The following SLC25A28 variants were observed in gnomAD, a reference collection of about 807,000 sequenced individuals.
The protein encoded by SLC25A28 is mitoferrin-2.
In SLC25A28, 10 loss-of-function variants were observed where a neutral mutation model predicts 31.9. That is an observed-to-expected ratio of 0.31 (90% CI 0.19 to 0.53). The LOEUF (loss-of-function observed/expected upper bound fraction) is 0.53. Ranked by LOEUF, SLC25A28 falls within the 20% of genes least tolerant of loss-of-function variation. The pLI is 0.95. For synonymous variants in SLC25A28, 208 were observed against 203.6 expected (o/e 1.02, Z -0.19); for missense variants, 256 against 490.3 (o/e 0.52, Z 4.51).
the SLC25A28 span, among the ~76,000 whole-genome samples, chr10:99,632,258 A>G: frequency 6.6e-6 from 1 of 152,190 alleles, no homozygotes; most frequent in Non-Finnish European, 1.5e-5. Flanking sequence ...TGTATTAGGT[A>G]TTATAAGTAA....
chr10:99,644,932 T>G, the SLC25A28 span, among the ~76,000 whole-genome samples: 1 of 152,228 alleles, frequency 6.6e-6, no homozygotes, highest in Non-Finnish European at 1.5e-5. Context: ...CGCTGTTAGT[T>G]TGATGGGCTT....
At chr10:99,643,531 T>A in the SLC25A28 span, among the ~76,000 whole-genome samples, 1 of 152,156 alleles carries the variant, frequency 6.6e-6, no homozygotes, top group Non-Finnish European at 1.5e-5. Flanking sequence ...CTGGATTCAT[T>A]AATTTTTGAA....
chr10:99,657,502 G>GA, the SLC25A28 span, among the ~76,000 whole-genome samples: 21 of 150,056 alleles, frequency 1.4e-4, no homozygotes, highest in Non-Finnish European at 7.4e-5. Context: ...GAGGGACAGA[G>GA]AAAAAAAAAC....
Position 99,611,512 on chromosome 10 carries a change from A to G in SLC25A28, c.578-146T>C. 8.0e-6 allele frequency: 8 copies of G among 999,674 alleles called. No homozygotes were observed. The East Asian group carries it at 1.3e-4, about 16-fold the overall frequency. The allele number at this position is 999,674 out of a possible 1,614,324, so 61.9% of individuals were successfully genotyped here. On this transcript the variant is annotated intron_variant, in intron 3 of 3. Transcript: ENST00000370495. This position sits in a 1 kb window ranked among gnomAD's most constrained non-coding sequence, Gnocchi z 5.5. ...GAGTGAGCTGCTGGCTAACCTGAGA[A>G]GTCAGCTTCCCTTTTTTGAGGGGAA...
the SLC25A28 span, among the ~76,000 whole-genome samples, chr10:99,654,164 C>G: frequency 2.6e-5 from 4 of 152,134 alleles, no homozygotes; most frequent in African/African-American, 9.7e-5. Context: ...TATTAGTGAG[C>G]TTGGAAGCTG....
the SLC25A28 span, among the ~76,000 whole-genome samples, chr10:99,650,694 GA>G: frequency 6.6e-6 from 1 of 151,992 alleles, no homozygotes; most frequent in Non-Finnish European, 1.5e-5. Flanking sequence ...ATACGTATAG[GA>G]AAGCCTGGTT....
Position 99,620,130 on chromosome 10 carries a change from C to CTCT in SLC25A28, c.205_206insAGA (p.Gly69delinsGluArg). The CTCT allele has an allele frequency of 6.3e-7, 1 of 1,581,404 alleles. No homozygotes were observed. Among genetic ancestry groups the CTCT allele is most frequent in the Non-Finnish European group, 8.5e-7 (1 of 1,171,686 alleles). Reference sequence around the variant, plus strand: ...CACCATGTGCGTGGTGACAGTGGCTCCAGCCGGCAGCGCCTCGTAGTCCGG... The same window carrying CTCT: ...CACCATGTGCGTGGTGACAGTGGCTCTCTCAGCCGGCAGCGCCTCGTAGTCCGG... On this transcript the variant is annotated protein_altering_variant, in exon 1 of 4. Coordinates refer to ENST00000370495, the MANE Select transcript of SLC25A28 (RefSeq NM_031212.4).
At chr10:99,656,255 G>C in the SLC25A28 span, among the ~76,000 whole-genome samples, 106 of 152,290 alleles carry the variant, frequency 7.0e-4, no homozygotes, top group Admixed American at 1.0e-3. Flanking sequence ...TGGGTCTGGG[G>C]GCAGGGCCAC....
chr10:99,615,628 A>T, intron 1 of SLC25A28: 1 of 985,422 alleles, frequency 1.0e-6, no homozygotes, highest in Non-Finnish European at 1.2e-6. Context: ...ACTTCCCCCC[A>T]CAAAACCTCA....
At chr10:99,616,279 A>G (rs2034652067) in intron 1 of SLC25A28, 5 of 880,990 alleles carry the variant, frequency 5.7e-6, no homozygotes, top group Non-Finnish European at 6.8e-6. Flanking sequence ...TAGTTGTGTG[A>G]TCTTGGGTAT....
the SLC25A28 span, among the ~76,000 whole-genome samples, chr10:99,636,073 A>G: frequency 6.6e-6 from 1 of 152,340 alleles, no homozygotes; most frequent in African/African-American, 2.4e-5. Flanking sequence ...CAAGAGACAG[A>G]AAGTCAACAA....
At chr10:99,617,020 C>A (rs1324138222) in intron 1 of SLC25A28, 1 of 984,950 alleles carries the variant, frequency 1.0e-6, no homozygotes, top group East Asian at 1.1e-4. Context: ...GTATAGATAC[C>A]ATTTACATCT....
In SLC25A28 at chr10:99,610,983, C is replaced by T. The variant is rs531260252; in HGVS notation, c.961G>A (p.Val321Met). Reference sequence around the variant, plus strand: ...TGCACCCCTCGGAAATAGGCGGTCACCCCACCTACTTGATATACCGTCCTG... The same window carrying T: ...TGCACCCCTCGGAAATAGGCGGTCATCCCACCTACTTGATATACCGTCCTG... ...AFRTVYQVGG[V>M]TAYFRGVQAR... The change falls in exon 4 of 4, where the codon GTG (valine) becomes ATG (methionine). Residue 321 changes from valine to methionine, a missense_variant. Val to Met is a conservative substitution (Grantham distance 21). This residue lies in a region of SLC25A28 where 158 missense variants were observed against 379.1 expected (regional missense o/e 0.42). Coordinates refer to ENST00000370495, the MANE Select transcript of SLC25A28 (RefSeq NM_031212.4). 5 of 1,614,104 alleles carry T rather than the reference C, an allele frequency of 3.1e-6. No homozygotes were observed. Among genetic ancestry groups the T allele is most frequent in the Non-Finnish European group, 4.2e-6 (5 of 1,180,050 alleles).
upstream of SLC25A28, chr10:99,621,377 G>A (rs1452316874): frequency 6.6e-6 from 1 of 152,502 alleles, no homozygotes; most frequent in African/African-American, 2.4e-5. Context: ...AAATGGGCGG[G>A]ATGATTCACA....
At chr10:99,653,978 T>C in the SLC25A28 span, 1 of 152,296 alleles carries the variant, frequency 6.6e-6, no homozygotes, top group Middle Eastern at 3.4e-3. Flanking sequence ...CTTGGGGGCT[T>C]ATGGAGGAGG....
the SLC25A28 span, among the ~76,000 whole-genome samples, chr10:99,640,177 T>C: frequency 1.3e-5 from 2 of 152,236 alleles, no homozygotes; most frequent in East Asian, 3.9e-4. Flanking sequence ...CATAACAAAT[T>C]ACCACAAAAC....
chr10:99,631,414 G>A, the SLC25A28 span, among the ~76,000 whole-genome samples: 4 of 151,976 alleles, frequency 2.6e-5, no homozygotes, highest in Non-Finnish European at 5.9e-5. Context: ...CTGGTCTCCT[G>A]ACTTCGTCTA....
chr10:99,611,188 G>A lies in SLC25A28; in HGVS notation c.756C>T (p.His252=). The change falls in exon 4 of 4, where the codon CAC becomes CAT. Residue 252 remains histidine (H), a synonymous_variant. Coordinates refer to ENST00000370495, the MANE Select transcript of SLC25A28 (RefSeq NM_031212.4). This position sits in a 1 kb window ranked among gnomAD's most constrained non-coding sequence, Gnocchi z 5.5. ...HFMTYEFLQE[H]FNPQRRYNPS... ...GGTTGTACCGTCTCTGGGGGTTAAA[G>A]TGCTCCTGCAGGAATTCATAGGTCA... is the stretch of plus-strand genomic sequence containing the variant. 6.2e-7 allele frequency: 1 copy of A among 1,614,214 alleles called. No homozygotes were observed. Among genetic ancestry groups the A allele is most frequent in the Non-Finnish European group, 8.5e-7 (1 of 1,180,038 alleles).
Position 99,611,401 on chromosome 10 carries a change from C to T in SLC25A28, c.578-35G>A. ...CCATCAACGAGGAAGGAAATGGTGA[C>T]AGCAGCCAACCGGTGATGGAGAGTA... On this transcript the variant is annotated intron_variant, in intron 3 of 3. Coordinates refer to ENST00000370495, the MANE Select transcript of SLC25A28 (RefSeq NM_031212.4). The surrounding 1 kb of genome is among the most constrained non-coding windows in gnomAD (Gnocchi z 5.5). The T allele has an allele frequency of 1.9e-6, 3 of 1,606,118 alleles. No individual in the cohort carries two copies. Among genetic ancestry groups the T allele is most frequent in the South Asian group, 1.1e-5 (1 of 90,240 alleles).
Sources: allele counts gnomAD v4.1 joint callset (sites outside exome capture counted in the v4.1 genomes callset), GRCh38; gene constraint gnomAD v4.1.1; regional missense constraint gnomAD v4.1.1; non-coding constraint Gnocchi (gnomAD v3.1); transcripts MANE v1.5; gene names NCBI Gene and HGNC (gene_info 2026-07-23, HGNC 2026-07-21).